The following ABCA13 variants were observed in gnomAD, a reference collection of about 807,000 sequenced individuals.
The protein encoded by ABCA13 is ATP-binding cassette sub-family A member 13.
Under a neutral mutation model 478.7 loss-of-function variants are expected in ABCA13, and 476 were observed. The ratio of observed to expected loss-of-function variants is 0.99; its 90% confidence interval spans 0.92 to 1.07. ABCA13 has a LOEUF of 1.07. ABCA13 is among the 50% of genes least tolerant of loss of function. The probability of loss-of-function intolerance (pLI) is 0.00; values close to 1 mark genes in which losing one functional copy is unlikely to be tolerated. For missense variants in ABCA13, 6,060 were observed against 5,910.6 expected (o/e 1.03, Z -0.83); for synonymous variants, 2,252 against 2,158.9 (o/e 1.04, Z -1.20).
intron 60 of ABCA13, among the ~76,000 whole-genome samples, chr7:48,643,911 A>G (rs147947768): frequency 3.1e-3 from 475 of 152,276 alleles, no homozygotes; most frequent in Non-Finnish European, 5.4e-3. Flanking sequence ...TTGAATGGGA[A>G]TCTGCATTTT....
rs771182603 is a variant in ABCA13 at position 48,275,069 on chromosome 7, A to G, written c.5403A>G (p.Thr1801=). 5 of 1,613,426 alleles carry G rather than the reference A, an allele frequency of 3.1e-6. No homozygotes were observed. Among genetic ancestry groups the G allele is most frequent in the Non-Finnish European group, 2.5e-6 (3 of 1,179,588 alleles). ...TTGTGATAAAAATTCTTTTGGATAC[A>G]ATTGAATTAGTATCAGATAAGCCAG... ...FAIVIKILLD[T]IELVSDKPDI... is the part of the protein sequence containing the mutation. Residue 1801 remains threonine, a synonymous_variant, in exon 17 of 62, where the codon ACA becomes ACG. Transcript: ENST00000435803.
chr7:48,388,771 A>G lies in ABCA13; in HGVS notation c.11474-269A>G, dbSNP rs566058827. On this transcript the variant is annotated intron_variant, in intron 36 of 61. Coordinates refer to ENST00000435803, the MANE Select transcript of ABCA13 (RefSeq NM_152701.5). ...GCCTGTTGTTTTTTTCTCTACTTAAACAAAAATACATGTGTGTGTTTTTAT... is the reference window on the plus strand; with the variant it reads ...GCCTGTTGTTTTTTTCTCTACTTAAGCAAAAATACATGTGTGTGTTTTTAT... 2.6e-5 allele frequency among the ~76,000 whole-genome samples: 4 copies of G among 152,300 alleles called. No individual in the cohort carries two copies. The East Asian group carries it at 7.7e-4, about 29-fold the overall frequency.
intron 43 of ABCA13, among the ~76,000 whole-genome samples, chr7:48,464,185 A>T (rs1446410677): frequency 1.3e-5 from 2 of 152,270 alleles, no homozygotes; most frequent in Non-Finnish European, 2.9e-5. Context: ...TTTAAAATAT[A>T]GCCAGGAGTT....
chr7:48,425,585 C>T (rs1472587803), intron 41 of ABCA13, among the ~76,000 whole-genome samples: 1 of 152,146 alleles, frequency 6.6e-6, no homozygotes, highest in Non-Finnish European at 1.5e-5. Flanking sequence ...CATGATGAAA[C>T]ATAGCACATA....
rs773386206 is a variant in ABCA13, at chr7:48,350,632, A to G, written c.10205-11A>G. The G allele has an allele frequency of 6.2e-7, 1 of 1,608,920 alleles. No homozygotes were observed. ...GAAGTTGATGTGTCCTAATCTGTTC[A>G]CTTTCCTCAGGAGGGCTGCTGGATG... On this transcript the variant is annotated splice_polypyrimidine_tract_variant and intron_variant, in intron 29 of 61. Transcript: ENST00000435803.
intron 35 of ABCA13, among the ~76,000 whole-genome samples, chr7:48,379,674 A>T (rs1034498642): frequency 2.0e-5 from 3 of 152,224 alleles, no homozygotes; most frequent in Admixed American, 1.3e-4. Flanking sequence ...TGTAGATACT[A>T]GAAGTAAAGC....
intron 42 of ABCA13, among the ~76,000 whole-genome samples, chr7:48,450,602 T>C (rs537874478): frequency 2.6e-5 from 4 of 152,230 alleles, no homozygotes; most frequent in Non-Finnish European, 5.9e-5. Flanking sequence ...TAGCAAATTA[T>C]CTTCATTCTA....
Position 48,510,465 on chromosome 7 carries a change from G to T in ABCA13, c.13525-619G>T, listed in dbSNP as rs186014758. Among the ~76,000 whole-genome samples the T allele has an allele frequency of 6.6e-5, 10 of 152,268 alleles. No homozygotes were observed. In the East Asian group the frequency reaches 1.9e-3, roughly 29 times the overall value. On this transcript the variant is annotated intron_variant, in intron 50 of 61. Coordinates refer to ENST00000435803, the MANE Select transcript of ABCA13 (RefSeq NM_152701.5). ...GAGGTAGTGTGAGGAGCCTGTCCTTGGTTCTACGTGTGTGGGAGGAGGCTG... is the reference window on the plus strand; with the variant it reads ...GAGGTAGTGTGAGGAGCCTGTCCTTTGTTCTACGTGTGTGGGAGGAGGCTG...
intron 19 of ABCA13, 37 bp downstream of exon 19, chr7:48,281,489 C>T: frequency 6.5e-7 from 1 of 1,536,704 alleles, no homozygotes; most frequent in Non-Finnish European, 8.8e-7. Flanking sequence ...TGCAATTGCC[C>T]TGTGCCAGTT....
At chr7:48,557,122 TG>T (rs2131234449) in intron 55 of ABCA13, among the ~76,000 whole-genome samples, 1 of 152,218 alleles carries the variant, frequency 6.6e-6, no homozygotes, top group South Asian at 2.1e-4. Flanking sequence ...TAACTTTTTT[TG>T]TTTCTCTTTA....
rs1393421795 is a variant in ABCA13 at position 48,585,636 on chromosome 7, A to T, written c.14506-1518A>T. Among the ~76,000 whole-genome samples the T allele has an allele frequency of 1.3e-5, 2 of 152,158 alleles. 1 individual carries two copies. The highest frequency in any genetic ancestry group is 4.1e-4 in the South Asian group (2 of 4,826). ...ATTGTTATTATCCTAACTTTTATGTACTTGTCAAAAAGAGTATACACATTA... is the reference window on the plus strand; with the variant it reads ...ATTGTTATTATCCTAACTTTTATGTTCTTGTCAAAAAGAGTATACACATTA... On this transcript the variant is annotated intron_variant, in intron 56 of 61. Coordinates refer to ENST00000435803, the MANE Select transcript of ABCA13 (RefSeq NM_152701.5).
intron 1 of ABCA13, among the ~76,000 whole-genome samples, chr7:48,184,426 A>C (rs1796093124): frequency 6.6e-6 from 1 of 152,218 alleles, no homozygotes; most frequent in South Asian, 2.1e-4. Context: ...ATTTGTAAAT[A>C]GCTTAAGTTT....
chr7:48,391,234 T>C (rs944181190), intron 37 of ABCA13, among the ~76,000 whole-genome samples: 9 of 152,198 alleles, frequency 5.9e-5, no homozygotes, highest in African/African-American at 2.2e-4. Flanking sequence ...TATTTAATGA[T>C]GAGGATTTAG....
intron 31 of ABCA13, among the ~76,000 whole-genome samples, chr7:48,366,825 A>G (rs1240269603): frequency 6.6e-6 from 1 of 152,166 alleles, no homozygotes; most frequent in African/African-American, 2.4e-5. Context: ...CACATGGGCA[A>G]TTAAATGTCA....
rs1044324376 is a variant in ABCA13, at chr7:48,295,863, T to C, written c.9119T>C (p.Met3040Thr). 5.0e-6 allele frequency: 8 copies of C among 1,601,064 alleles called. No homozygotes were observed. In the African/African-American group the frequency reaches 9.4e-5, roughly 19 times the overall value. ...RLETVQQHLY[M>T]LAKSLEETWS... ...GAGACGGTGCAGCAGCACTTGTACA[T>C]GTATGCTCTGATATTCTTTCATGCC... Residue 3040 changes from methionine (M) to threonine (T), a missense_variant and splice_region_variant, in exon 21 of 62, where the codon ATG (methionine) becomes ACG (threonine). Coordinates refer to ENST00000435803, the MANE Select transcript of ABCA13 (RefSeq NM_152701.5).
At chr7:48,511,969 T>G (rs1314123478) in intron 51 of ABCA13, among the ~76,000 whole-genome samples, 1 of 152,166 alleles carries the variant, frequency 6.6e-6, no homozygotes, top group African/African-American at 2.4e-5. Context: ...TCAAAACATC[T>G]AATTAGAGAC....
intron 27 of ABCA13, among the ~76,000 whole-genome samples, chr7:48,319,926 C>G (rs530012594): frequency 6.6e-6 from 1 of 152,108 alleles, no homozygotes; most frequent in African/African-American, 2.4e-5. Flanking sequence ...TAAGGCCTTC[C>G]GCCTCTGGGC....
In ABCA13 at chr7:48,229,855, G is replaced by C. The variant is rs774832105; in HGVS notation, c.663G>C (p.Trp221Cys). The C allele has an allele frequency of 2.5e-6, 4 of 1,613,806 alleles. No individual in the cohort carries two copies. The highest frequency in any genetic ancestry group is 3.4e-6 in the Non-Finnish European group (4 of 1,179,864). ...NSLISLEDLD[W>C]LPLNQTFSQV... ...TAATATCCCTAGAAGATTTAGATTGGCTTCCACTCAACCAAACTTTTTCCC... is the reference window on the plus strand; with the variant it reads ...TAATATCCCTAGAAGATTTAGATTGCCTTCCACTCAACCAAACTTTTTCCC... The change falls in exon 7 of 62, where the codon TGG becomes TGC. Residue 221 changes from tryptophan to cysteine, a missense_variant. Physicochemically the swap from Trp to Cys is radical, Grantham distance 215. This residue lies in a region of ABCA13 where 4,423 missense variants were observed against 4,309.1 expected (regional missense o/e 1.03). Transcript: ENST00000435803.
At chr7:48,294,817 T>C (rs1022326253) in intron 20 of ABCA13, among the ~76,000 whole-genome samples, 1 of 152,246 alleles carries the variant, frequency 6.6e-6, no homozygotes, top group Non-Finnish European at 1.5e-5. Context: ...GTTTTCTTTT[T>C]GTGGCTGACT....
Sources: gnomAD v4.1 joint callset for allele counts (sites outside exome capture counted in the v4.1 genomes callset) on GRCh38, gnomAD v4.1.1 for gene constraint, gnomAD v4.1.1 regional missense constraint, MANE v1.5 for transcripts, NCBI Gene and HGNC (gene_info 2026-07-23, HGNC 2026-07-21) for gene names.